The following MAP3K13 variants were observed in gnomAD, a reference collection of about 807,000 sequenced individuals.
The protein encoded by MAP3K13 is leucine zipper-bearing kinase.
A neutral mutation model predicts 104.0 loss-of-function variants in MAP3K13; 52 were observed. That is an observed-to-expected ratio of 0.50 (90% confidence interval 0.40 to 0.63). The LOEUF (loss-of-function observed/expected upper bound fraction) is 0.63. Among genes scored for constraint, MAP3K13 ranks in the 20% least tolerant of loss-of-function variants. The pLI is 0.00. For missense variants in MAP3K13, 914 were observed against 1,218.5 expected (o/e 0.75, Z 3.72); for synonymous variants, 394 against 442.2 (o/e 0.89, Z 1.37).
intron 1 of MAP3K13, among the ~76,000 whole-genome samples, chr3:185,384,885 A>G (rs1455504341): frequency 6.6e-6 from 1 of 151,864 alleles, no homozygotes; most frequent in East Asian, 1.9e-4. Flanking sequence ...ATTTTCTTTC[A>G]CTCTACAAGT....
chr3:185,352,075 CAT>C (rs1473003053), intron 2 of MAP3K13, among the ~76,000 whole-genome samples: 2 of 152,188 alleles, frequency 1.3e-5, no homozygotes, highest in African/African-American at 4.8e-5. Context: ...AGAACTTAGT[CAT>C]GTGGTCACGT....
chr3:185,451,762 G>A (rs138566613), intron 7 of MAP3K13, among the ~76,000 whole-genome samples: 17,035 of 151,470 alleles, frequency 0.11, 1,252 homozygotes, highest in South Asian at 0.25. Context: ...ACCTACTCAG[G>A]AGGCTGAGGC....
At chr3:185,342,490 A>G (rs573899113) in intron 2 of MAP3K13, among the ~76,000 whole-genome samples, 1 of 152,340 alleles carries the variant, frequency 6.6e-6, no homozygotes, top group African/African-American at 2.4e-5. Context: ...AGGACATTGG[A>G]AGGCAAGAAT....
intron 1 of MAP3K13, 81 bp from the exon 2 acceptor site, chr3:185,428,415 GT>G (rs1281878299): frequency 5.8e-5 from 51 of 878,620 alleles, no homozygotes; most frequent in Middle Eastern, 3.7e-4. Context: ...CATTGTTTCA[GT>G]TTTTTTTAAT....
At chr3:185,312,106 G>T (rs139228689) in intron 2 of MAP3K13, among the ~76,000 whole-genome samples, 1 of 152,322 alleles carries the variant, frequency 6.6e-6, no homozygotes, top group East Asian at 1.9e-4. Flanking sequence ...TGGGATTTTT[G>T]AATTCCATTT....
At position 185,396,454 on chromosome 3, in the gene MAP3K13, T is replaced by C. The variant is rs991165670; in HGVS notation, c.-85-32043T>C. On this transcript the variant is annotated intron_variant, in intron 1 of 13. Transcript: ENST00000265026. Reference sequence around the variant, plus strand: ...AAGCATTTGAAGGAGTTGGAAGTGATAGAATAATGATTTGAGCTGTTTCCC... The same window carrying C: ...AAGCATTTGAAGGAGTTGGAAGTGACAGAATAATGATTTGAGCTGTTTCCC... Among the ~76,000 whole-genome samples, 7 of 152,190 alleles carry C rather than the reference T, an allele frequency of 4.6e-5. No homozygotes were observed. In the East Asian group the frequency reaches 1.2e-3, roughly 25 times the overall value.
intron 2 of MAP3K13, among the ~76,000 whole-genome samples, chr3:185,348,060 A>G (rs1322472074): frequency 2.0e-5 from 3 of 152,070 alleles, no homozygotes; most frequent in Non-Finnish European, 4.4e-5. Flanking sequence ...ATATAAATGT[A>G]GCATGAAATT....
At chr3:185,312,510 T>C (rs1415121024) in intron 2 of MAP3K13, among the ~76,000 whole-genome samples, 1 of 152,218 alleles carries the variant, frequency 6.6e-6, no homozygotes, top group East Asian at 1.9e-4. Flanking sequence ...CAGAGAGTTA[T>C]CCAGTGAAGA....
rs572248214 is a variant in MAP3K13, at chr3:185,406,219, C to T, written c.-85-22278C>T. On this transcript the variant is annotated intron_variant, in intron 1 of 13. Coordinates refer to ENST00000265026, the MANE Select transcript of MAP3K13 (RefSeq NM_004721.5). ...ACAGGAAGCCCAGGGTGCCACTTGA[C>T]TCTTAATTTAGCCCTTCCTAGCCGG... Among the ~76,000 whole-genome samples, 8 of 152,334 alleles carry T rather than the reference C, an allele frequency of 5.3e-5. No individual in the cohort carries two copies. The East Asian group carries it at 1.5e-3, about 29-fold the overall frequency.
chr3:185,294,351 CATTG>C lies in MAP3K13; in HGVS notation c.-86+8711_-86+8714del, dbSNP rs1397913701. Reference sequence around the variant, plus strand: ...TAGGGCATGGTTGTGCTTTCCAATTCATTGATGAAGAACTAATTTTTTAGTGCTT... The same window carrying C: ...TAGGGCATGGTTGTGCTTTCCAATTCATGAAGAACTAATTTTTTAGTGCTT... On this transcript the variant is annotated intron_variant, in intron 2 of 14. Coordinates refer to the MAP3K13 transcript ENST00000424227. Among the ~76,000 whole-genome samples the C allele has an allele frequency of 2.6e-5, 4 of 152,154 alleles. No individual in the cohort carries two copies. In the East Asian group the frequency reaches 7.7e-4, roughly 29 times the overall value.
At chr3:185,434,942 C>T (rs1278482077) in intron 2 of MAP3K13, among the ~76,000 whole-genome samples, 1 of 151,930 alleles carries the variant, frequency 6.6e-6, no homozygotes, top group African/African-American at 2.4e-5. Flanking sequence ...TTTATTCAGC[C>T]CCCAGAATTG....
rs1284809657 is a variant in MAP3K13 at position 185,480,464 on chromosome 3, GC to G, written c.2736del (p.Val913CysfsTer4). On this transcript the variant is annotated frameshift_variant, in exon 13 of 14. Coordinates refer to ENST00000265026, the MANE Select transcript of MAP3K13 (RefSeq NM_004721.5). LOFTEE classifies it high-confidence loss of function. ...HSDGLSDKEC[A>X]VRRVKTQMSL... ...GGATGGGCTCTCTGACAAGGAGTGT[GC>G]CGTGCGCCGTGTGAAGACTCAGATG... 1 of 1,614,208 alleles carries G rather than the reference GC, an allele frequency of 6.2e-7. No individual in the cohort carries two copies. Among genetic ancestry groups the G allele is most frequent in the Non-Finnish European group, 8.5e-7 (1 of 1,180,044 alleles).
chr3:185,349,072 G>A (rs2108729169), intron 2 of MAP3K13, among the ~76,000 whole-genome samples: 1 of 152,216 alleles, frequency 6.6e-6, no homozygotes, highest in East Asian at 1.9e-4. Context: ...CTAGGAACAA[G>A]CAGCAGCTGT....
chr3:185,330,091 T>C (rs1344716661), intron 2 of MAP3K13, among the ~76,000 whole-genome samples: 1 of 138,806 alleles, frequency 7.2e-6, no homozygotes, highest in Non-Finnish European at 1.5e-5. Context: ...TTAGTAGAGA[T>C]GGGGTTTCAC....
intron 2 of MAP3K13, among the ~76,000 whole-genome samples, chr3:185,336,788 A>G (rs1722522235): frequency 6.6e-6 from 1 of 151,786 alleles, no homozygotes; most frequent in African/African-American, 2.4e-5. Flanking sequence ...ACTCTTTTAA[A>G]GAAAAAAATT....
At chr3:185,291,668 T>G in intron 2 of MAP3K13, 2 of 1,532,320 alleles carry the variant, frequency 1.3e-6, no homozygotes, top group Non-Finnish European at 1.7e-6. Context: ...CATTCAAGAT[T>G]TGAGTTTGAA....
chr3:185,369,068 T>G (rs181357815), intron 1 of MAP3K13, among the ~76,000 whole-genome samples: 1 of 152,180 alleles, frequency 6.6e-6, no homozygotes, highest in East Asian at 1.9e-4. Flanking sequence ...GTTCTAAGTA[T>G]TAGGTACGCA....
rs1560068152 is a variant in MAP3K13, at chr3:185,367,010, G to A, written c.-86+3642G>A. On this transcript the variant is annotated intron_variant, in intron 1 of 13. Coordinates refer to ENST00000265026, the MANE Select transcript of MAP3K13 (RefSeq NM_004721.5). ...CTAAGTTGGCTTTGCCTGACTCAAG[G>A]TCATAAAGATTTACTTCTATGTTTT... Among the ~76,000 whole-genome samples, 2 of 152,202 alleles carry A rather than the reference G, an allele frequency of 1.3e-5. 1 individual carries two copies. The highest frequency in any genetic ancestry group is 4.1e-4 in the South Asian group (2 of 4,828).
rs140183763 is a variant in MAP3K13 at position 185,294,876 on chromosome 3, T to A, written c.-86+9233T>A. On this transcript the variant is annotated intron_variant, in intron 2 of 14. Transcript: ENST00000424227. Reference sequence around the variant, plus strand: ...ATTGCAAAATTCTGTCTTTTCTACTTCCTAAATATCTTTCAAATTATTCAC... The same window carrying A: ...ATTGCAAAATTCTGTCTTTTCTACTACCTAAATATCTTTCAAATTATTCAC... 2.1e-3 allele frequency among the ~76,000 whole-genome samples: 319 copies of A among 152,294 alleles called. 2 individuals are homozygous for A. The highest frequency in any genetic ancestry group is 7.0e-3 in the African/African-American group (291 of 41,546).
Sources: gnomAD v4.1 joint callset for allele counts (sites outside exome capture counted in the v4.1 genomes callset) on GRCh38, gnomAD v4.1.1 for gene constraint, MANE v1.5 for transcripts, NCBI Gene and HGNC (gene_info 2026-07-23, HGNC 2026-07-21) for gene names.